SSH2: variants seen among roughly 807,000 people sequenced by gnomAD.
SSH2 encodes the protein protein phosphatase Slingshot homolog 2.
SSH2 carries 37 observed loss-of-function variants against 135.2 expected under a neutral mutation model. The ratio of observed to expected loss-of-function variants is 0.27; its 90% CI spans 0.21 to 0.36. The LOEUF (loss-of-function observed/expected upper bound fraction) is 0.36, where lower values mean the gene tolerates loss of function less well. Among genes scored for constraint, SSH2 ranks in the 10% least tolerant of loss-of-function variants. SSH2 has a pLI of 1.00. For synonymous variants in SSH2, 628 were observed against 646.2 expected, an observed-to-expected ratio of 0.97 and a Z score of 0.43; for missense variants, 1,408 against 1,765.3, an observed-to-expected ratio of 0.80 and a Z score of 3.63.
intron 13 of SSH2, 57 bp downstream of exon 13, chr17:29,650,597 A>G: frequency 2.0e-6 from 3 of 1,526,366 alleles, no homozygotes; most frequent in Non-Finnish European, 2.7e-6. Context: ...GGACCCAGCC[A>G]TGTGTGGTGG....
intron 1 of SSH2, among the ~76,000 whole-genome samples, chr17:29,924,116 C>A (rs1431734771): frequency 6.6e-6 from 1 of 152,144 alleles, no homozygotes; most frequent in African/African-American, 2.4e-5. Context: ...CTACAATAGT[C>A]ATTTCTAGAG....
chr17:29,724,105 C>G (rs2039908952), intron 3 of SSH2, among the ~76,000 whole-genome samples: 1 of 152,174 alleles, frequency 6.6e-6, no homozygotes, highest in African/African-American at 2.4e-5. Context: ...AAAGCTACAA[C>G]AGACCAAATT....
chr17:29,819,369 C>T (rs966730913), intron 2 of SSH2, among the ~76,000 whole-genome samples: 2 of 152,028 alleles, frequency 1.3e-5, no homozygotes, highest in Non-Finnish European at 2.9e-5. Flanking sequence ...ATGCCTTGAA[C>T]AGCCCATGAA....
intron 15 of SSH2, 87 bp downstream of exon 15, chr17:29,635,881 C>T: frequency 9.8e-7 from 1 of 1,024,746 alleles, no homozygotes; most frequent in Non-Finnish European, 1.4e-6. Flanking sequence ...GCCAGACTCT[C>T]CATCAAAAAC....
At chr17:29,742,186 TG>T (rs1363962813) in intron 3 of SSH2, among the ~76,000 whole-genome samples, 2 of 151,736 alleles carry the variant, frequency 1.3e-5, no homozygotes, top group Admixed American at 6.6e-5. Context: ...CCACCTGCCT[TG>T]GCCTCCCAAA....
chr17:29,857,289 T>C (rs934720614), intron 1 of SSH2, among the ~76,000 whole-genome samples: 1 of 152,200 alleles, frequency 6.6e-6, no homozygotes, highest in South Asian at 2.1e-4. Context: ...CTTACATGGA[T>C]GGCAGCAGGT....
At chr17:29,920,241 G>A (rs1026963859) in intron 1 of SSH2, among the ~76,000 whole-genome samples, 2 of 152,206 alleles carry the variant, frequency 1.3e-5, no homozygotes, top group African/African-American at 4.8e-5. Flanking sequence ...GGAAGGCAGT[G>A]CTGCACAGTG....
At chr17:29,857,881 C>T (rs1243257692) in intron 1 of SSH2, among the ~76,000 whole-genome samples, 2 of 152,216 alleles carry the variant, frequency 1.3e-5, no homozygotes, top group African/African-American at 4.8e-5. Flanking sequence ...ATCCACCAAA[C>T]AACTCTTCAT....
At chr17:29,676,794 T>G (rs776096025) in intron 8 of SSH2, 26 bp downstream of exon 8, 10 of 1,580,286 alleles carry the variant, frequency 6.3e-6, no homozygotes, top group Non-Finnish European at 7.0e-6. Flanking sequence ...AAAACACTTT[T>G]GTAGAGATAG....
At chr17:29,789,877 C>A (rs770783925) in intron 3 of SSH2, among the ~76,000 whole-genome samples, 1 of 152,132 alleles carries the variant, frequency 6.6e-6, no homozygotes, top group Non-Finnish European at 1.5e-5. Flanking sequence ...TGATTTCTAC[C>A]TTTTGAGATA....
intron 11 of SSH2, among the ~76,000 whole-genome samples, chr17:29,660,441 A>G (rs2036983448): frequency 6.6e-6 from 1 of 150,920 alleles, no homozygotes; most frequent in Admixed American, 6.6e-5. Flanking sequence ...TAATTTTTGT[A>G]TTTTTAGTAG....
At chr17:29,861,127 C>T (rs1470097328) in intron 1 of SSH2, among the ~76,000 whole-genome samples, 1 of 152,036 alleles carries the variant, frequency 6.6e-6, no homozygotes, top group Non-Finnish European at 1.5e-5. Context: ...GGATATCAGA[C>T]CTCTGTCAGA....
chr17:29,836,471 T>G (rs2042945848), intron 2 of SSH2, among the ~76,000 whole-genome samples: 1 of 152,160 alleles, frequency 6.6e-6, no homozygotes, highest in South Asian at 2.1e-4. Flanking sequence ...CAGAGTAGAC[T>G]TAAATAATTG....
In SSH2 at chr17:29,697,695, G is replaced by T. The variant is rs538951966; in HGVS notation, c.293-2172C>A. Among the ~76,000 whole-genome samples the T allele has an allele frequency of 7.9e-5, 12 of 152,128 alleles. No homozygotes were observed. The East Asian group carries it at 1.9e-3, about 25-fold the overall frequency. ...AACTCCCCCACCCCAAACCAAAAAGGATGGTTTTCACTGCTGGCTTCTGAC... is the reference window on the plus strand; with the variant it reads ...AACTCCCCCACCCCAAACCAAAAAGTATGGTTTTCACTGCTGGCTTCTGAC... On this transcript the variant is annotated intron_variant, in intron 4 of 15. Coordinates refer to ENST00000540801, the MANE Select transcript of SSH2 (RefSeq NM_001282129.2).
intron 1 of SSH2, among the ~76,000 whole-genome samples, chr17:29,874,021 A>G (rs2065984190): frequency 6.6e-6 from 1 of 152,096 alleles, no homozygotes; most frequent in African/African-American, 2.4e-5. Context: ...GGCTGGGCGC[A>G]GCAGCTCATG....
chr17:29,779,428 C>A (rs1048695706), intron 3 of SSH2, among the ~76,000 whole-genome samples: 1 of 152,078 alleles, frequency 6.6e-6, no homozygotes, highest in African/African-American at 2.4e-5. Flanking sequence ...CTCACCACAC[C>A]CCCTGGTGGC....
intron 3 of SSH2, among the ~76,000 whole-genome samples, chr17:29,748,740 T>C (rs571741030): frequency 1.5e-4 from 23 of 152,280 alleles, no homozygotes; most frequent in African/African-American, 5.5e-4. Flanking sequence ...TAAAACTTCT[T>C]GGTTCTAAGC....
chr17:29,753,688 C>G (rs1767320255), intron 3 of SSH2, among the ~76,000 whole-genome samples: 1 of 150,680 alleles, frequency 6.6e-6, no homozygotes, highest in South Asian at 2.1e-4. Context: ...CCCAGCTACT[C>G]AGGAGGCTGA....
chr17:29,723,427 TA>T (rs2039886563), intron 3 of SSH2, among the ~76,000 whole-genome samples: 1 of 152,224 alleles, frequency 6.6e-6, no homozygotes, highest in Non-Finnish European at 1.5e-5. Context: ...CTGCTTTATA[TA>T]GTGCCCAGTG....
Sources: gnomAD v4.1 joint callset for allele counts (sites outside exome capture counted in the v4.1 genomes callset) on GRCh38, gnomAD v4.1.1 for gene constraint, MANE v1.5 for transcripts, NCBI Gene and HGNC (gene_info 2026-07-23, HGNC 2026-07-21) for gene names.